The following OLA1 variants were observed in gnomAD, a reference collection of about 807,000 sequenced individuals.
The protein encoded by OLA1 is obg-like ATPase 1.
OLA1 carries 14 observed loss-of-function variants against 48.4 expected under a neutral mutation model. The observed-to-expected ratio is 0.29, with a 90% CI of 0.19 to 0.45. The LOEUF (loss-of-function observed/expected upper bound fraction) is 0.45. Among genes scored for constraint, OLA1 ranks in the 20% least tolerant of loss-of-function variants. The pLI, the probability that OLA1 is intolerant of heterozygous loss-of-function variation, is 1.00. For missense variants in OLA1, 325 were observed against 467.1 expected (o/e 0.70, Z 2.80); for synonymous variants, 127 against 150.4 (o/e 0.84, Z 1.14).
At chr2:174,085,978 G>A (rs1684967887) in intron 7 of OLA1, among the ~76,000 whole-genome samples, 1 of 152,032 alleles carries the variant, frequency 6.6e-6, no homozygotes, top group Admixed American at 6.6e-5. Context: ...CTGCATATGG[G>A]CTATATTTGT....
rs1686052604 is a variant in OLA1 at position 174,126,704 on chromosome 2, G to C, written c.550-3029C>G. Reference sequence around the variant, plus strand: ...AAGATTAAAAGAGATAGTGCATATAGTGTTTAGCACAGTTCTTGGCACAGA... The same window carrying C: ...AAGATTAAAAGAGATAGTGCATATACTGTTTAGCACAGTTCTTGGCACAGA... On this transcript the variant is annotated intron_variant, in intron 5 of 10. Transcript: ENST00000284719. Among the ~76,000 whole-genome samples, 8 of 152,186 alleles carry C rather than the reference G, an allele frequency of 5.3e-5. No homozygotes were observed. In the South Asian group the frequency reaches 1.7e-3, roughly 31 times the overall value.
intron 4 of OLA1, among the ~76,000 whole-genome samples, chr2:174,163,782 ATGTT>A (rs1469373585): frequency 8.5e-6 from 1 of 117,404 alleles, no homozygotes; most frequent in Non-Finnish European, 1.7e-5. Context: ...ATATAAATAA[ATGTT>A]TGGGTGCCTG....
At chr2:174,197,708 A>C (rs1489269007) in intron 4 of OLA1, among the ~76,000 whole-genome samples, 1 of 152,224 alleles carries the variant, frequency 6.6e-6, no homozygotes, top group Non-Finnish European at 1.5e-5. Context: ...GGATGGAATT[A>C]AGCTACTAAG....
At chr2:174,129,112 A>G (rs1373620511) in intron 5 of OLA1, among the ~76,000 whole-genome samples, 1 of 152,182 alleles carries the variant, frequency 6.6e-6, no homozygotes. Context: ...ACAAGAAAAT[A>G]CATGTAAAAC....
intron 1 of OLA1, chr2:174,247,558 G>A: frequency 6.7e-7 from 1 of 1,482,230 alleles, no homozygotes; most frequent in Non-Finnish European, 9.1e-7. Flanking sequence ...ATTCCATTGT[G>A]GAACCACCAG....
In OLA1 at chr2:174,225,969, C is replaced by T. The variant is rs944334883; in HGVS notation, c.246-2809G>A. Among the ~76,000 whole-genome samples, 2 of 110,086 alleles carry T rather than the reference C, an allele frequency of 1.8e-5. 1 individual carries two copies. The highest frequency in any genetic ancestry group is 1.8e-4 in the Admixed American group (2 of 11,006). 72.2% of individuals were successfully genotyped at this position (110,086 alleles called of 152,430 possible). ...CAGCACTTTGGGAGGCCGAGGCGGG[C>T]GGATCACGAGGTCAAGAGATCGAGA... is the stretch of plus-strand genomic sequence containing the variant. On this transcript the variant is annotated intron_variant, in intron 3 of 10. Transcript: ENST00000284719.
At chr2:174,229,242 T>C in intron 3 of OLA1, 66 bp downstream of exon 3, 3 of 1,456,840 alleles carry the variant, frequency 2.1e-6, no homozygotes, top group Non-Finnish European at 2.9e-6. Flanking sequence ...AACTCTTCTA[T>C]ATGACTTTAA....
chr2:174,197,169 C>T (rs908404054), intron 4 of OLA1, among the ~76,000 whole-genome samples: 5 of 152,060 alleles, frequency 3.3e-5, no homozygotes, highest in African/African-American at 1.2e-4. Flanking sequence ...AACACTTAGG[C>T]ATAAATAGGT....
intron 4 of OLA1, among the ~76,000 whole-genome samples, chr2:174,144,610 A>T (rs1558974715): frequency 6.6e-6 from 1 of 151,416 alleles, no homozygotes; most frequent in African/African-American, 2.4e-5. Context: ...ATGTCATAGC[A>T]TTTTTTTTGC....
intron 9 of OLA1, among the ~76,000 whole-genome samples, chr2:174,079,594 G>A (rs1684817073): frequency 6.6e-6 from 1 of 151,702 alleles, no homozygotes; most frequent in Admixed American, 6.6e-5. Context: ...AAAAAATTTC[G>A]ATAATAAAAT....
In OLA1 at chr2:174,075,513, G is replaced by A. The variant is rs372619273; in HGVS notation, c.1104C>T (p.Tyr368=). ...CAATATAATTTCTGCCTTGTTGTCT[G>A]TACTTTCCAGCAGCCTGCAAACAGA... ...SENAVKAAGK[Y]RQQGRNYIVE... is the part of the protein sequence containing the mutation. The change falls in exon 11 of 11, where the codon TAC becomes TAT. Residue 368 remains tyrosine (Y), a synonymous_variant. Coordinates refer to ENST00000284719, the MANE Select transcript of OLA1 (RefSeq NM_013341.5). 72 of 1,607,470 alleles carry A rather than the reference G, an allele frequency of 4.5e-5. No individual in the cohort carries two copies. Among genetic ancestry groups the A allele is most frequent in the Non-Finnish European group, 5.8e-5 (68 of 1,174,858 alleles).
intron 7 of OLA1, among the ~76,000 whole-genome samples, chr2:174,118,601 G>C (rs943797366): frequency 1.3e-5 from 2 of 152,140 alleles, no homozygotes; most frequent in African/African-American, 4.8e-5. Flanking sequence ...CTTTTAATCT[G>C]TGGAAGCTAG....
chr2:174,167,336 G>C (rs1687190136), intron 4 of OLA1, among the ~76,000 whole-genome samples: 1 of 152,218 alleles, frequency 6.6e-6, no homozygotes, highest in African/African-American at 2.4e-5. Flanking sequence ...AACACTTTGG[G>C]AGGCCAAGGT....
At chr2:174,203,893 C>G (rs1038623650) in intron 4 of OLA1, among the ~76,000 whole-genome samples, 7 of 151,168 alleles carry the variant, frequency 4.6e-5, no homozygotes, top group African/African-American at 1.7e-4. Flanking sequence ...CGCCCGGGTT[C>G]AAGTGATTCT....
At position 174,079,105 on chromosome 2, in the gene OLA1, A is replaced by G. The variant is rs2105338009; in HGVS notation, c.967-15T>C. 6.4e-7 allele frequency: 1 copy of G among 1,573,558 alleles called. No individual in the cohort carries two copies. Among genetic ancestry groups the G allele is most frequent in the East Asian group, 2.3e-5 (1 of 43,812 alleles). On this transcript the variant is annotated splice_polypyrimidine_tract_variant and intron_variant, in intron 9 of 10. Coordinates refer to ENST00000284719, the MANE Select transcript of OLA1 (RefSeq NM_013341.5). ...TTAGTCCCTTTCTTTGAAAAGAAAG[A>G]CCAGAGAAAACTAATTGCATTTAAG...
At chr2:174,197,737 T>C (rs7608405) in intron 4 of OLA1, among the ~76,000 whole-genome samples, 80,747 of 151,952 alleles carry the variant, frequency 0.53, 22,021 homozygotes, top group East Asian at 0.94. Flanking sequence ...AAAAAATAAA[T>C]AGGCAAATGT....
rs182167086 is a variant in OLA1, at chr2:174,168,610, A to G, written c.374-26610T>C. Reference sequence around the variant, plus strand: ...TCTATTAAAACTACCTTCAATAAATAAAAGTAAATTATGCACACAATGAAC... The same window carrying G: ...TCTATTAAAACTACCTTCAATAAATGAAAGTAAATTATGCACACAATGAAC... On this transcript the variant is annotated intron_variant, in intron 4 of 10. Transcript: ENST00000284719. 1.9e-3 allele frequency among the ~76,000 whole-genome samples: 285 copies of G among 152,290 alleles called. 3 individuals carry two copies. The highest frequency in any genetic ancestry group is 6.5e-3 in the African/African-American group (270 of 41,552).
intron 7 of OLA1, among the ~76,000 whole-genome samples, chr2:174,097,070 C>CGGTT (rs1558951831): frequency 6.6e-6 from 1 of 152,046 alleles, no homozygotes; most frequent in Non-Finnish European, 1.5e-5. Flanking sequence ...GCAGGAGAAT[C>CGGTT]GGTTGAAACC....
chr2:174,230,665 T>C (rs79315719), intron 2 of OLA1, among the ~76,000 whole-genome samples: 19,494 of 152,144 alleles, frequency 0.13, 1,454 homozygotes, highest in East Asian at 0.21. Context: ...AATGATACCA[T>C]GGGGATAAAG....
Sources: allele counts gnomAD v4.1 joint callset (sites outside exome capture counted in the v4.1 genomes callset), GRCh38; gene constraint gnomAD v4.1.1; transcripts MANE v1.5; gene names NCBI Gene and HGNC (gene_info 2026-07-23, HGNC 2026-07-21).